Variants in NRXN1 observed in about 807,000 individuals in gnomAD.
The protein encoded by NRXN1 is neurexin-1.
NRXN1 carries 39 observed loss-of-function variants against 150.9 expected under a neutral mutation model. The observed-to-expected ratio is 0.26, with a 90% CI of 0.20 to 0.34. The LOEUF is 0.34. Ranked by LOEUF, NRXN1 falls within the 10% of genes least tolerant of loss-of-function variation. NRXN1 has a pLI of 1.00. For missense variants in NRXN1, 1,815 were observed against 1,949.9 expected (o/e 0.93, Z 1.30); for synonymous variants, 924 against 757.0 (o/e 1.22, Z -3.62).
chr2:50,243,702 C>T (rs2066243938), intron 17 of NRXN1, among the ~76,000 whole-genome samples: 1 of 151,730 alleles, frequency 6.6e-6, no homozygotes, highest in African/African-American at 2.4e-5. Flanking sequence ...TAGGTGTTAA[C>T]AATTAAGGTT....
At chr2:50,616,302 T>C (rs1218387012) in intron 8 of NRXN1, 1 of 152,186 alleles carries the variant, frequency 6.6e-6, no homozygotes, top group Admixed American at 6.6e-5. Flanking sequence ...GCTAATCTTA[T>C]TTTATTTTGA....
chr2:50,109,660 G>C (rs1702122353), intron 18 of NRXN1, among the ~76,000 whole-genome samples: 1 of 152,006 alleles, frequency 6.6e-6, no homozygotes, highest in East Asian at 1.9e-4. Flanking sequence ...GGGATGCTGA[G>C]ATGTCTTGAC....
At chr2:50,460,047 A>G (rs139815517) in intron 17 of NRXN1, among the ~76,000 whole-genome samples, 29 of 152,242 alleles carry the variant, frequency 1.9e-4, no homozygotes, top group Middle Eastern at 3.4e-3. Context: ...AACTAAAACC[A>G]TTGTCTTTCC....
chr2:50,579,746 C>T (rs915218027), intron 8 of NRXN1, among the ~76,000 whole-genome samples: 1 of 152,118 alleles, frequency 6.6e-6, no homozygotes, highest in South Asian at 2.1e-4. Context: ...CACAAGGTTG[C>T]ATTATTGTCA....
intron 5 of NRXN1, among the ~76,000 whole-genome samples, chr2:50,775,252 T>C (rs1238528223): frequency 6.6e-6 from 1 of 152,134 alleles, no homozygotes; most frequent in Non-Finnish European, 1.5e-5. Context: ...TCTCTAACAG[T>C]AGCAGACAGA....
At chr2:49,970,245 G>A (rs1332181811) in intron 21 of NRXN1, 2 of 151,980 alleles carry the variant, frequency 1.3e-5, no homozygotes, top group East Asian at 3.9e-4. Context: ...GCACAACACT[G>A]AAAAAAATTA....
intron 17 of NRXN1, among the ~76,000 whole-genome samples, chr2:50,415,007 C>A (rs1446132672): frequency 1.3e-5 from 2 of 152,128 alleles, no homozygotes; most frequent in Non-Finnish European, 2.9e-5. Context: ...TCCCATTACT[C>A]TCTTGTCACT....
intron 5 of NRXN1, among the ~76,000 whole-genome samples, chr2:50,764,158 C>A (rs777801145): frequency 1.3e-5 from 2 of 151,796 alleles, no homozygotes; most frequent in African/African-American, 4.8e-5. Flanking sequence ...AGCAACATAT[C>A]CCCCTCTCTA....
At chr2:50,462,590 A>G (rs2088345705) in intron 17 of NRXN1, among the ~76,000 whole-genome samples, 1 of 151,878 alleles carries the variant, frequency 6.6e-6, no homozygotes, top group African/African-American at 2.4e-5. Flanking sequence ...ACACCTGCAT[A>G]TCCACATACA....
intron 5 of NRXN1, among the ~76,000 whole-genome samples, chr2:50,686,079 T>C (rs1325527503): frequency 2.0e-5 from 3 of 152,068 alleles, no homozygotes; most frequent in African/African-American, 4.8e-5. Flanking sequence ...CAACTAGAAA[T>C]ACATTTCTCC....
At chr2:50,325,886 T>G (rs1046400866) in intron 17 of NRXN1, among the ~76,000 whole-genome samples, 1 of 152,228 alleles carries the variant, frequency 6.6e-6, no homozygotes. Flanking sequence ...CACTTTACTT[T>G]TCCTTCTTCA....
intron 2 of NRXN1, among the ~76,000 whole-genome samples, chr2:51,015,100 T>G (rs1019329821): frequency 6.6e-6 from 1 of 152,222 alleles, no homozygotes; most frequent in Middle Eastern, 3.4e-3. Context: ...ACCAGATGTG[T>G]GATTTTTTAA....
intron 19 of NRXN1, among the ~76,000 whole-genome samples, chr2:50,077,217 G>A (rs190534389): frequency 9.9e-5 from 15 of 152,158 alleles, no homozygotes; most frequent in East Asian, 9.7e-4. Context: ...TTATTGTTTC[G>A]GATACTAGCT....
intron 21 of NRXN1, among the ~76,000 whole-genome samples, chr2:50,028,626 A>T (rs72889546): frequency 0.032 from 4,904 of 152,352 alleles, 261 homozygotes; most frequent in African/African-American, 0.11. Flanking sequence ...TATCTTCTGC[A>T]CATTGCTCAG....
intron 17 of NRXN1, among the ~76,000 whole-genome samples, chr2:50,438,892 G>A (rs974964549): frequency 4.6e-5 from 7 of 152,158 alleles, no homozygotes; most frequent in African/African-American, 7.2e-5. Flanking sequence ...CTATGACCAC[G>A]ATGCATTCTG....
intron 17 of NRXN1, among the ~76,000 whole-genome samples, chr2:50,254,967 T>C (rs544254795): frequency 6.6e-6 from 1 of 152,054 alleles, no homozygotes; most frequent in South Asian, 2.1e-4. Flanking sequence ...CTACCACACT[T>C]GGCTAATTTT....
At chr2:50,578,636 T>C (rs1025504955) in intron 8 of NRXN1, among the ~76,000 whole-genome samples, 2 of 152,152 alleles carry the variant, frequency 1.3e-5, no homozygotes, top group African/African-American at 4.8e-5. Flanking sequence ...TTTAATTTCA[T>C]ATCATTTTAT....
intron 18 of NRXN1, among the ~76,000 whole-genome samples, chr2:50,179,569 G>C (rs1011893680): frequency 6.6e-6 from 1 of 152,064 alleles, no homozygotes; most frequent in East Asian, 1.9e-4. Context: ...ATGGTAACAT[G>C]CACAAAGGCA....
At chr2:51,011,514 A>G (rs6749209) in intron 2 of NRXN1, among the ~76,000 whole-genome samples, 14,919 of 152,054 alleles carry the variant, frequency 0.098, 805 homozygotes, top group African/African-American at 0.13. Context: ...ACAGAGAAGG[A>G]GACCTTACAG....
Sources: allele counts gnomAD v4.1 joint callset (sites outside exome capture counted in the v4.1 genomes callset), GRCh38; gene constraint gnomAD v4.1.1; transcripts MANE v1.5; gene names NCBI Gene and HGNC (gene_info 2026-07-23, HGNC 2026-07-21).